Variants in DEFB134 observed in about 807,000 individuals in gnomAD.
DEFB134 encodes defensin beta 134, also known as beta-defensin 134.
Under a neutral mutation model 7.4 loss-of-function variants are expected in DEFB134, and 7 were observed. That is an observed-to-expected ratio of 0.95 (90% CI 0.54 to 1.79). The LOEUF is 1.79. Among genes scored for constraint, DEFB134 ranks in the 40% most tolerant of loss-of-function variants. The pLI is 0.00. For synonymous variants in DEFB134, 33 were observed against 25.0 expected (o/e 1.32, Z -0.96); for missense variants, 105 against 74.8 (o/e 1.40, Z -1.49).
chr8:11,994,238 A>T lies in DEFB134; in HGVS notation c.59-116T>A. The T allele has an allele frequency of 3.1e-6, 4 of 1,276,690 alleles. No individual in the cohort carries two copies. The South Asian group carries it at 6.0e-5, about 19-fold the overall frequency. The allele number at this position is 1,276,690 out of a possible 1,614,324, so 79.1% of individuals were successfully genotyped here. On this transcript the variant is annotated intron_variant, in intron 1 of 1. Coordinates refer to ENST00000526438, the Ensembl canonical transcript of DEFB134. The stretch of plus-strand genomic sequence containing the variant: ...CAAGGAGATTTGGTTATGATAATTG[A>T]TCCTGTAACTGAAAAAATTAATTAG...
At chr8:11,995,449 A>C (rs1585092229) in intron 1 of DEFB134, among the ~76,000 whole-genome samples, 1 of 152,322 alleles carries the variant, frequency 6.6e-6, no homozygotes, top group South Asian at 2.1e-4. Flanking sequence ...AGTAACACTG[A>C]GTGAAAAGAA....
chr8:11,993,969 G>A, exon 2 of DEFB134: 1 of 1,609,868 alleles, frequency 6.2e-7, no homozygotes, highest in Non-Finnish European at 8.5e-7. Flanking sequence ...GCCATTCATT[G>A]GTTTCTTATG....
intron 1 of DEFB134, among the ~76,000 whole-genome samples, chr8:11,995,440 G>C (rs1427312306): frequency 2.0e-5 from 3 of 152,192 alleles, no homozygotes; most frequent in Non-Finnish European, 4.4e-5. Flanking sequence ...GACTGATTCA[G>C]TAACACTGAG....
rs1585092784 is a variant in DEFB134 at position 11,996,177 on chromosome 8, A to T, written c.58+17T>A. ...CTATATGAAGCACCCCTACCCCCCA[A>T]AATATGCCAGTTTTACCTGCCAGCA... On this transcript the variant is annotated intron_variant, in intron 1 of 1. Coordinates refer to ENST00000526438, the Ensembl canonical transcript of DEFB134. The T allele has an allele frequency of 6.2e-7, 1 of 1,613,504 alleles. No individual in the cohort carries two copies. Among genetic ancestry groups the T allele is most frequent in the African/African-American group, 1.3e-5 (1 of 74,988 alleles).
At chr8:12,000,387 T>G (rs987530768), upstream of DEFB134, among the ~76,000 whole-genome samples, 1 of 152,212 alleles carries the variant, frequency 6.6e-6, no homozygotes, top group African/African-American at 2.4e-5. Context: ...GTGCCAAAGG[T>G]ATATTTGTTG....
At chr8:11,996,352 A>G, upstream of DEFB134, 1 of 1,341,288 alleles carries the variant, frequency 7.5e-7, no homozygotes, top group Non-Finnish European at 1.1e-6. Flanking sequence ...CAAACCTCTC[A>G]GGGCTGGGGT....
chr8:11,996,026 T>C (rs563566754), intron 1 of DEFB134, among the ~76,000 whole-genome samples, 168 bp downstream of exon 2: 16 of 151,566 alleles, frequency 1.1e-4, no homozygotes, highest in African/African-American at 3.4e-4. Flanking sequence ...AGTTAACAAG[T>C]TGGACAGCCA....
At chr8:11,999,915 G>A (rs910475018), upstream of DEFB134, among the ~76,000 whole-genome samples, 2 of 152,220 alleles carry the variant, frequency 1.3e-5, no homozygotes, top group Non-Finnish European at 2.9e-5. Context: ...AAATGGAGAA[G>A]TACAATATGC....
chr8:11,996,378 T>C (rs1800124340), upstream of DEFB134: 1 of 1,001,310 alleles, frequency 1.0e-6, no homozygotes, highest in South Asian at 1.5e-5. Flanking sequence ...TCGCTTCAGG[T>C]AGATATGCTA....
At chr8:11,999,162 C>T, upstream of DEFB134, 1 of 177,482 alleles carries the variant, frequency 5.6e-6, no homozygotes, top group Non-Finnish European at 1.3e-5. Flanking sequence ...CAAGGGGTGC[C>T]TGGTCATATC....
At chr8:11,998,722 A>C (rs946777479), upstream of DEFB134, among the ~76,000 whole-genome samples, 1 of 152,154 alleles carries the variant, frequency 6.6e-6, no homozygotes, top group African/African-American at 2.4e-5. Context: ...TAGAGACATG[A>C]ACCCATACAA....
chr8:11,997,276 A>G (rs1800150899), upstream of DEFB134, among the ~76,000 whole-genome samples: 1 of 152,212 alleles, frequency 6.6e-6, no homozygotes, highest in Admixed American at 6.5e-5. Flanking sequence ...ATTGCTGAGC[A>G]CCACTGCATG....
intron 1 of DEFB134, 134 bp downstream of exon 2, chr8:11,996,060 C>T (rs1800111661): frequency 9.5e-7 from 1 of 1,048,624 alleles, no homozygotes; most frequent in Non-Finnish European, 1.4e-6. Context: ...GTCTTGCTGA[C>T]ATCAAAACTA....
At chr8:11,997,409 T>C (rs1329802346), upstream of DEFB134, among the ~76,000 whole-genome samples, 1 of 152,244 alleles carries the variant, frequency 6.6e-6, no homozygotes, top group African/African-American at 2.4e-5. Context: ...GGATATATGC[T>C]TTCATTTTTC....
intron 1 of DEFB134, among the ~76,000 whole-genome samples, chr8:11,995,499 G>A (rs115947892): frequency 0.033 from 5,060 of 152,240 alleles, 285 homozygotes; most frequent in African/African-American, 0.11. Flanking sequence ...AGGATATGGT[G>A]AAGCTAGAGC....
At chr8:11,997,854 C>T (rs116153332), upstream of DEFB134, among the ~76,000 whole-genome samples, 1,760 of 152,266 alleles carry the variant, frequency 0.012, 37 homozygotes, top group African/African-American at 0.039. Context: ...CTAAACTCAA[C>T]ACTTGACCAA....
chr8:11,995,108 T>C (rs80269508), intron 1 of DEFB134, among the ~76,000 whole-genome samples: 8,474 of 152,210 alleles, frequency 0.056, 276 homozygotes, highest in Middle Eastern at 0.088. Context: ...TAGAGGACAA[T>C]CTGTAACACT....
chr8:11,996,378 T>TCGCTTC (rs2150559942), upstream of DEFB134: 5 of 1,001,310 alleles, frequency 5.0e-6, no homozygotes, highest in African/African-American at 8.0e-5. Flanking sequence ...TCGCTTCAGG[T>TCGCTTC]AGATATGCTA....
chr8:11,999,262 T>C (rs999635071), upstream of DEFB134: 10 of 208,968 alleles, frequency 4.8e-5, no homozygotes, highest in African/African-American at 2.1e-4. Context: ...GTATAAAGAA[T>C]TACTGGCTGA....
Sources: gnomAD v4.1 joint callset for allele counts (sites outside exome capture counted in the v4.1 genomes callset) on GRCh38, gnomAD v4.1.1 for gene constraint, MANE v1.5 for transcripts, NCBI Gene and HGNC (gene_info 2026-07-23, HGNC 2026-07-21) for gene names.